ENTREP2: variants seen among roughly 807,000 people sequenced by gnomAD.
ENTREP2 encodes the protein endosomal transmembrane epsin interactor 2.
At chr15:29,189,395 G>A in the ENTREP2 span, among the ~76,000 whole-genome samples, 1 of 151,284 alleles carries the variant, frequency 6.6e-6, no homozygotes, top group African/African-American at 2.4e-5. Context: ...TGAGAGTAGA[G>A]CACTGGAGGC....
chr15:29,191,052 C>T, the ENTREP2 span, among the ~76,000 whole-genome samples: 2 of 152,100 alleles, frequency 1.3e-5, no homozygotes, highest in Non-Finnish European at 2.9e-5. Context: ...TGTTCTGCTG[C>T]CCAAGAGTTT....
the ENTREP2 span, chr15:29,269,067 A>G: frequency 3.7e-6 from 6 of 1,613,998 alleles, no homozygotes; most frequent in Non-Finnish European, 5.1e-6. Context: ...CGAAAATTAA[A>G]TGCTTCTTGG....
chr15:29,387,858 A>G, the ENTREP2 span, among the ~76,000 whole-genome samples: 3 of 152,372 alleles, frequency 2.0e-5, no homozygotes, highest in East Asian at 1.9e-4. Context: ...TGACAAAAAC[A>G]AGAAATGGGG....
the ENTREP2 span, among the ~76,000 whole-genome samples, chr15:29,143,940 G>A: frequency 6.6e-6 from 1 of 152,292 alleles, no homozygotes; most frequent in East Asian, 1.9e-4. Flanking sequence ...GGGCTAAGGA[G>A]GAGTGACATA....
the ENTREP2 span, among the ~76,000 whole-genome samples, chr15:29,602,453 G>C: frequency 1.3e-5 from 2 of 152,020 alleles, no homozygotes; most frequent in South Asian, 4.2e-4. Flanking sequence ...CTATGGTAAG[G>C]ATATAATCAG....
At chr15:29,509,924 G>A in the ENTREP2 span, among the ~76,000 whole-genome samples, 1 of 152,154 alleles carries the variant, frequency 6.6e-6, no homozygotes, top group African/African-American at 2.4e-5. Flanking sequence ...AAACTAAAGA[G>A]CTTCTGCACA....
At chr15:29,222,388 G>A in the ENTREP2 span, among the ~76,000 whole-genome samples, 2 of 152,142 alleles carry the variant, frequency 1.3e-5, no homozygotes, top group East Asian at 1.9e-4. Flanking sequence ...GCATCCCTTA[G>A]GGCTGCTCTG....
chr15:29,494,806 CTTATCCATG>C, the ENTREP2 span, among the ~76,000 whole-genome samples: 2 of 152,204 alleles, frequency 1.3e-5, no homozygotes, highest in Non-Finnish European at 2.9e-5. Flanking sequence ...GTCCTCCAGG[CTTATCCATG>C]TTGTTCAAAA....
chr15:29,564,905 G>C, the ENTREP2 span, among the ~76,000 whole-genome samples: 1 of 152,036 alleles, frequency 6.6e-6, no homozygotes, highest in Non-Finnish European at 1.5e-5. Flanking sequence ...TAGCTTCCAG[G>C]AAGAGTTCAG....
chr15:29,156,825 C>G, the ENTREP2 span, among the ~76,000 whole-genome samples: 1 of 152,128 alleles, frequency 6.6e-6, no homozygotes, highest in Non-Finnish European at 1.5e-5. Context: ...GCAGTCTTAA[C>G]GAACACCTCA....
chr15:29,241,860 C>T, the ENTREP2 span, among the ~76,000 whole-genome samples: 1 of 151,836 alleles, frequency 6.6e-6, no homozygotes, highest in Non-Finnish European at 1.5e-5. Flanking sequence ...CAGTGAGACC[C>T]CCCCCCACCA....
chr15:29,469,947 C>T, the ENTREP2 span, among the ~76,000 whole-genome samples: 1 of 152,120 alleles, frequency 6.6e-6, no homozygotes. Context: ...ACTTTTGTCT[C>T]CTTTTCCACA....
the ENTREP2 span, among the ~76,000 whole-genome samples, chr15:29,452,367 G>T: frequency 6.6e-6 from 1 of 152,198 alleles, no homozygotes; most frequent in African/African-American, 2.4e-5. Flanking sequence ...GGAAGCCATA[G>T]CCCTTCACCC....
At chr15:29,645,997 T>A in the ENTREP2 span, among the ~76,000 whole-genome samples, 1 of 152,324 alleles carries the variant, frequency 6.6e-6, no homozygotes, top group South Asian at 2.1e-4. Flanking sequence ...CAGGTCACAC[T>A]GGAAGCAGGG....
the ENTREP2 span, among the ~76,000 whole-genome samples, chr15:29,151,341 G>T: frequency 6.6e-6 from 1 of 152,254 alleles, no homozygotes; most frequent in East Asian, 1.9e-4. Flanking sequence ...AACTGGAAAA[G>T]AACTGATCTT....
chr15:29,655,547 G>C, the ENTREP2 span, among the ~76,000 whole-genome samples: 1 of 152,160 alleles, frequency 6.6e-6, no homozygotes, highest in Non-Finnish European at 1.5e-5. Flanking sequence ...GAGCAATCAA[G>C]AGAGCCAGAC....
chr15:29,176,059 T>C, the ENTREP2 span, among the ~76,000 whole-genome samples: 10 of 152,242 alleles, frequency 6.6e-5, no homozygotes, highest in Non-Finnish European at 1.5e-4. Flanking sequence ...GAGACACTGG[T>C]AGGAAATACT....
the ENTREP2 span, among the ~76,000 whole-genome samples, chr15:29,424,568 G>C: frequency 4.6e-5 from 7 of 152,160 alleles, no homozygotes; most frequent in African/African-American, 1.4e-4. Flanking sequence ...GAGCACAAGA[G>C]AAGGTAAAGG....
chr15:29,510,809 C>G, the ENTREP2 span, among the ~76,000 whole-genome samples: 1 of 124,236 alleles, frequency 8.0e-6, no homozygotes, highest in East Asian at 2.3e-4. Context: ...GACTCCATCT[C>G]AAAAAAAAAA....
Sources: gnomAD v4.1 joint callset for allele counts (sites outside exome capture counted in the v4.1 genomes callset) on GRCh38, gnomAD v4.1.1 for gene constraint, MANE v1.5 for transcripts, NCBI Gene and HGNC (gene_info 2026-07-23, HGNC 2026-07-21) for gene names.